Variants in LPGAT1 observed in about 807,000 individuals in gnomAD.
The protein encoded by LPGAT1 is acyl-CoA:lysophosphatidylglycerol acyltransferase 1.
Under a neutral mutation model 47.5 loss-of-function variants are expected in LPGAT1, and 11 were observed. That is an observed-to-expected ratio of 0.23 (90% CI 0.15 to 0.38). LPGAT1 has a LOEUF of 0.38. Among genes scored for constraint, LPGAT1 ranks in the 10% least tolerant of loss-of-function variants. The pLI is 1.00. For synonymous variants in LPGAT1, 138 were observed against 144.2 expected, an observed-to-expected ratio of 0.96 and a Z score of 0.31; for missense variants, 293 against 439.0, an observed-to-expected ratio of 0.67 and a Z score of 2.97.
Position 211,830,484 on chromosome 1 carries a change from C to T in LPGAT1, c.-28+89G>A. The T allele has an allele frequency of 8.4e-7, 1 of 1,188,738 alleles. No homozygotes were observed. The highest frequency in any genetic ancestry group is 1.0e-6 in the Non-Finnish European group (1 of 958,684). 73.6% of individuals were successfully genotyped at this position (1,188,738 alleles called of 1,614,324 possible). ...GCTGCCGCCTCCCCGGGCCACGCGA[C>T]GACGACACCCCCTTCCCCGCCCCCA... On this transcript the variant is annotated intron_variant, in intron 1 of 7. Coordinates refer to ENST00000366997, the MANE Select transcript of LPGAT1 (RefSeq NM_014873.3). The surrounding 1 kb of genome is among the most constrained non-coding windows in gnomAD (Gnocchi z 5.9).
At chr1:211,811,557 G>C (rs1659989129) in intron 2 of LPGAT1, among the ~76,000 whole-genome samples, 1 of 152,164 alleles carries the variant, frequency 6.6e-6, no homozygotes, top group Non-Finnish European at 1.5e-5. Flanking sequence ...AGGAGTTCAA[G>C]ACCAGCCTGG....
At chr1:211,785,794 A>G (rs1658854479) in intron 4 of LPGAT1, among the ~76,000 whole-genome samples, 1 of 151,980 alleles carries the variant, frequency 6.6e-6, no homozygotes, top group Non-Finnish European at 1.5e-5. Context: ...TTTAGTAGAA[A>G]CAGGCCTTCA....
At chr1:211,778,819 T>A in intron 6 of LPGAT1, 99 bp downstream of exon 6, 1 of 979,252 alleles carries the variant, frequency 1.0e-6, no homozygotes, top group Non-Finnish European at 1.4e-6. Flanking sequence ...TTGAGCCAAC[T>A]ATTTCTACTG....
intron 2 of LPGAT1, among the ~76,000 whole-genome samples, chr1:211,804,495 A>G (rs1407781889): frequency 6.6e-6 from 1 of 152,224 alleles, no homozygotes; most frequent in Non-Finnish European, 1.5e-5. Flanking sequence ...CTATCCAGGG[A>G]TAAGAAAACA....
At chr1:211,803,625 G>A (rs78804235) in intron 2 of LPGAT1, among the ~76,000 whole-genome samples, 3,884 of 152,130 alleles carry the variant, frequency 0.026, 160 homozygotes, top group African/African-American at 0.088. Flanking sequence ...AAGTAAAAGT[G>A]AACAGTTTTA....
Position 211,783,220 on chromosome 1 carries a change from C to A in LPGAT1, c.727+9G>T. ...CCAACAAGGTAAAAAATGCTAAAAACCATCATACCTAATTCTTTAGCATCT... is the reference window on the plus strand; with the variant it reads ...CCAACAAGGTAAAAAATGCTAAAAAACATCATACCTAATTCTTTAGCATCT... On this transcript the variant is annotated intron_variant, in intron 5 of 7. Transcript: ENST00000366997. The A allele has an allele frequency of 3.1e-6, 5 of 1,593,976 alleles. No individual in the cohort carries two copies. Among genetic ancestry groups the A allele is most frequent in the Non-Finnish European group, 4.3e-6 (5 of 1,166,308 alleles).
intron 4 of LPGAT1, among the ~76,000 whole-genome samples, chr1:211,786,238 A>G (rs956830184): frequency 6.6e-6 from 1 of 152,258 alleles, no homozygotes; most frequent in South Asian, 2.1e-4. Context: ...TGTCCAGTAC[A>G]TAAAACTGTC....
chr1:211,817,450 A>G (rs146817035), intron 2 of LPGAT1, among the ~76,000 whole-genome samples: 2,954 of 152,094 alleles, frequency 0.019, 29 homozygotes, highest in Non-Finnish European at 0.023. Flanking sequence ...CGGCGCCTGT[A>G]GTCCCAGCTA....
At chr1:211,768,894 G>A (rs1658050156) in intron 6 of LPGAT1, among the ~76,000 whole-genome samples, 1 of 152,202 alleles carries the variant, frequency 6.6e-6, no homozygotes. Context: ...TCTCGTGGAG[G>A]AGGAAACAGT....
chr1:211,797,521 T>C (rs534348745), intron 2 of LPGAT1, among the ~76,000 whole-genome samples: 1 of 152,190 alleles, frequency 6.6e-6, no homozygotes, highest in African/African-American at 2.4e-5. Context: ...ATTTCCAATA[T>C]ATATGGTATT....
chr1:211,780,643 TA>T (rs1209647793), intron 5 of LPGAT1, among the ~76,000 whole-genome samples: 1 of 152,170 alleles, frequency 6.6e-6, no homozygotes, highest in Non-Finnish European at 1.5e-5. Flanking sequence ...GTAAAACAAG[TA>T]AAAAATTAAT....
chr1:211,792,635 A>G (rs1370540236), intron 3 of LPGAT1, among the ~76,000 whole-genome samples: 3 of 149,558 alleles, frequency 2.0e-5, no homozygotes, highest in Non-Finnish European at 4.4e-5. Flanking sequence ...AATATTTTCT[A>G]AATTTTTATT....
At chr1:211,828,928 A>G in intron 2 of LPGAT1, 131 bp downstream of exon 2, 1 of 816,192 alleles carries the variant, frequency 1.2e-6, no homozygotes, top group Non-Finnish European at 1.9e-6. Flanking sequence ...ACCCAATAGA[A>G]CTGTTTTCTT....
Position 211,783,353 on chromosome 1 carries a change from T to C in LPGAT1, c.603A>G (p.Lys201=), listed in dbSNP as rs765588761. Residue 201 remains lysine (K), a synonymous_variant, in exon 5 of 8, where the codon AAA becomes AAG. Transcript: ENST00000366997. The part of the protein sequence containing the change: ...RRETSQAFAK[K]NNLPFLTNVT... ...CATTTGTAAGAAATGGCAAGTTATT[T>C]TTCTTGGCAAATGCCTGACTTGTTT... 6.2e-7 allele frequency: 1 copy of C among 1,614,226 alleles called. No individual in the cohort carries two copies. Among genetic ancestry groups the C allele is most frequent in the Non-Finnish European group, 8.5e-7 (1 of 1,180,034 alleles).
chr1:211,795,333 G>A (rs1257800645), intron 2 of LPGAT1, among the ~76,000 whole-genome samples: 1 of 152,094 alleles, frequency 6.6e-6, no homozygotes, highest in African/African-American at 2.4e-5. Context: ...TGTAGAATAG[G>A]ATGATGGATG....
chr1:211,796,234 G>A (rs549702053), intron 2 of LPGAT1, among the ~76,000 whole-genome samples: 9 of 152,086 alleles, frequency 5.9e-5, no homozygotes, highest in Non-Finnish European at 1.2e-4. Context: ...CTCTGTACTG[G>A]GTTGAACAGT....
At chr1:211,828,568 C>T (rs953863987) in intron 2 of LPGAT1, among the ~76,000 whole-genome samples, 4 of 152,052 alleles carry the variant, frequency 2.6e-5, no homozygotes, top group Non-Finnish European at 5.9e-5. Flanking sequence ...AAGAAACATA[C>T]GTAAGAGAAA....
intron 5 of LPGAT1, among the ~76,000 whole-genome samples, chr1:211,779,283 A>T (rs1658538426): frequency 6.6e-6 from 1 of 152,194 alleles, no homozygotes; most frequent in African/African-American, 2.4e-5. Context: ...CTGGACATGC[A>T]CCATTCAAGT....
At chr1:211,817,105 T>C (rs1263960091) in intron 2 of LPGAT1, among the ~76,000 whole-genome samples, 1 of 152,234 alleles carries the variant, frequency 6.6e-6, no homozygotes, top group Non-Finnish European at 1.5e-5. Context: ...CCATGTAACC[T>C]ATACTTATAA....
Sources: gnomAD v4.1 joint callset for allele counts (sites outside exome capture counted in the v4.1 genomes callset) on GRCh38, gnomAD v4.1.1 for gene constraint, Gnocchi (gnomAD v3.1) non-coding constraint, MANE v1.5 for transcripts, NCBI Gene and HGNC (gene_info 2026-07-23, HGNC 2026-07-21) for gene names.